The following RUNX1 variants were observed in gnomAD, a reference collection of about 807,000 sequenced individuals.
RUNX1 encodes the protein RUNX family transcription factor 1.
Under a neutral mutation model 42.8 loss-of-function variants are expected in RUNX1, and 19 were observed. The observed-to-expected ratio is 0.44, with a 90% CI of 0.31 to 0.65. The LOEUF is 0.65. Ranked by LOEUF, RUNX1 falls within the 30% of genes least tolerant of loss-of-function variation. RUNX1 has a pLI of 0.07. For synonymous variants in RUNX1, 271 were observed against 289.4 expected (o/e 0.94, Z 0.64); for missense variants, 528 against 672.0 (o/e 0.79, Z 2.37).
intron 7 of RUNX1, chr21:34,834,159 C>A: frequency 1.4e-6 from 1 of 695,266 alleles, no homozygotes; most frequent in Non-Finnish European, 2.6e-6. Flanking sequence ...CTCCTCGTAT[C>A]CTCTGTAGCA....
chr21:34,996,533 G>A (rs1283291042), intron 2 of RUNX1, among the ~76,000 whole-genome samples: 1 of 152,036 alleles, frequency 6.6e-6, no homozygotes, highest in African/African-American at 2.4e-5. Context: ...GGGGTGTGGA[G>A]AGGACGAAGA....
At chr21:35,039,823 G>A (rs929404864) in intron 2 of RUNX1, among the ~76,000 whole-genome samples, 1 of 152,158 alleles carries the variant, frequency 6.6e-6, no homozygotes, top group South Asian at 2.1e-4. Flanking sequence ...GTTGCTTAAC[G>A]TTGTTCCTCT....
rs779032088 is a variant in RUNX1 at position 34,880,639 on chromosome 21, A to G, written c.426T>C (p.Ala142=). The G allele has an allele frequency of 3.7e-6, 6 of 1,614,070 alleles. No homozygotes were observed. The highest frequency in any genetic ancestry group is 3.3e-5 in the Admixed American group (2 of 59,998). ...VMAGNDENYS[A]ELRNATAAMK... ...TGGCTGCGGTAGCATTTCTCAGCTC[A>G]GCCGAGTAGTTTTCATCATTGCCAG... Residue 142 remains alanine, a synonymous_variant, in exon 5 of 9, where the codon GCT becomes GCC. Coordinates refer to ENST00000675419, the MANE Select transcript of RUNX1 (RefSeq NM_001754.5).
intron 2 of RUNX1, among the ~76,000 whole-genome samples, chr21:34,948,026 A>G (rs1372844268): frequency 6.7e-6 from 1 of 149,476 alleles, no homozygotes; most frequent in Non-Finnish European, 1.5e-5. Flanking sequence ...CTGCTGTTTC[A>G]TCTCTCTCCC....
At chr21:34,895,820 T>G (rs554892959) in intron 2 of RUNX1, among the ~76,000 whole-genome samples, 1 of 152,226 alleles carries the variant, frequency 6.6e-6, no homozygotes, top group Admixed American at 6.5e-5. Flanking sequence ...GCGGGAAAAT[T>G]GATCTGTCAA....
chr21:34,951,015 T>C (rs897521495), intron 2 of RUNX1, among the ~76,000 whole-genome samples: 11 of 152,256 alleles, frequency 7.2e-5, no homozygotes, highest in African/African-American at 2.7e-4. Flanking sequence ...TTATGAAGTT[T>C]GTTAGAAGAG....
intron 2 of RUNX1, among the ~76,000 whole-genome samples, chr21:34,956,614 T>C (rs1472425235): frequency 6.6e-6 from 1 of 152,170 alleles, no homozygotes; most frequent in African/African-American, 2.4e-5. Context: ...GCTGTTTTGA[T>C]GTCACGCCCT....
intron 2 of RUNX1, among the ~76,000 whole-genome samples, chr21:35,025,115 A>T (rs1036860834): frequency 2.6e-5 from 4 of 152,228 alleles, no homozygotes; most frequent in African/African-American, 4.8e-5. Context: ...CTCCCAGGGG[A>T]TGACTTTGAA....
intron 5 of RUNX1, among the ~76,000 whole-genome samples, chr21:34,874,631 A>AAAAAAAAAAAAAC (rs2057788269): frequency 6.8e-6 from 1 of 147,956 alleles, no homozygotes. Flanking sequence ...AAAAAAAAAA[A>AAAAAAAAAAAAAC]AAAAGACAGT....
At chr21:35,036,280 ATAT>A (rs1237276349) in intron 2 of RUNX1, among the ~76,000 whole-genome samples, 1 of 151,630 alleles carries the variant, frequency 6.6e-6, no homozygotes, top group South Asian at 2.1e-4. Context: ...TGATTTTATT[ATAT>A]TATTATTGTT....
intron 6 of RUNX1, among the ~76,000 whole-genome samples, chr21:34,838,185 C>T (rs563396643): frequency 5.9e-5 from 9 of 152,174 alleles, no homozygotes; most frequent in African/African-American, 9.6e-5. Context: ...CGTTGATAAC[C>T]GAGCTGCCTT....
At chr21:34,890,760 C>T (rs1398159720) in intron 3 of RUNX1, among the ~76,000 whole-genome samples, 2 of 138,648 alleles carry the variant, frequency 1.4e-5, no homozygotes, top group Non-Finnish European at 1.6e-5. Flanking sequence ...CACTTTCTAA[C>T]TCTGTCCCTG....
At position 34,788,587 on chromosome 21, in the gene RUNX1, A is replaced by G. The variant is rs2056398108; in HGVS notation, c.*3548T>C. The G allele has an allele frequency of 4.3e-6, 1 of 233,190 alleles. No homozygotes were observed. The highest frequency in any genetic ancestry group is 5.6e-5 in the Admixed American group (1 of 17,786). The allele number at this position is 233,190 out of a possible 1,614,324, so 14.4% of individuals were successfully genotyped here. A position where few individuals can be genotyped will look rare whatever the true frequency, so the allele number is the denominator to read the frequency against. ...TGAAAAAAAGTTATAGGCATTAACA[A>G]TATTTTATAATGAAGCTTAAAATCT... On this transcript the variant is annotated 3_prime_UTR_variant, in exon 9 of 9. Transcript: ENST00000675419.
chr21:34,971,768 G>C (rs1053141876), intron 2 of RUNX1, among the ~76,000 whole-genome samples: 1 of 152,138 alleles, frequency 6.6e-6, no homozygotes, highest in Non-Finnish European at 1.5e-5. Context: ...GGACAGAAAG[G>C]CTTCTTTGGA....
At chr21:34,936,689 G>A (rs1042886603) in intron 2 of RUNX1, among the ~76,000 whole-genome samples, 5 of 152,166 alleles carry the variant, frequency 3.3e-5, no homozygotes, top group African/African-American at 1.2e-4. Context: ...CGCTTAGCAG[G>A]ATCCTGGCCG....
intron 2 of RUNX1, among the ~76,000 whole-genome samples, chr21:34,989,018 T>C (rs867953820): frequency 2.1e-5 from 3 of 146,188 alleles, no homozygotes; most frequent in Non-Finnish European, 3.0e-5. Flanking sequence ...CTCTCTCTTT[T>C]TTTTTTTTTA....
At chr21:34,834,002 T>C (rs2057102336) in intron 7 of RUNX1, 1 of 359,366 alleles carries the variant, frequency 2.8e-6, no homozygotes, top group African/African-American at 2.1e-5. Context: ...AAACATCCCA[T>C]CTTCACTTTG....
intron 5 of RUNX1, among the ~76,000 whole-genome samples, chr21:34,871,846 CTTTT>C (rs10546742): frequency 1.4e-5 from 2 of 143,244 alleles, no homozygotes; most frequent in Non-Finnish European, 1.5e-5. Context: ...GCTTTTATCA[CTTTT>C]TTTTTTTTTT....
intron 2 of RUNX1, among the ~76,000 whole-genome samples, chr21:34,931,627 G>A (rs2058448176): frequency 7.9e-6 from 1 of 127,076 alleles, no homozygotes; most frequent in Admixed American, 7.5e-5. Flanking sequence ...AGGAGGGATG[G>A]CCAAATAAGG....
Sources: allele counts gnomAD v4.1 joint callset (sites outside exome capture counted in the v4.1 genomes callset), GRCh38; gene constraint gnomAD v4.1.1; transcripts MANE v1.5; gene names NCBI Gene and HGNC (gene_info 2026-07-23, HGNC 2026-07-21).